The following XPO4 variants were observed in gnomAD, a reference collection of about 807,000 sequenced individuals.
XPO4 encodes exportin 4.
XPO4 carries 39 observed loss-of-function variants against 143.0 expected under a neutral mutation model. The observed-to-expected ratio is 0.27, with a 90% confidence interval of 0.21 to 0.36. XPO4 has a LOEUF of 0.36. Among genes scored for constraint, XPO4 ranks in the 10% least tolerant of loss-of-function variants. XPO4 has a pLI of 1.00. For synonymous variants in XPO4, 439 were observed against 474.0 expected, an observed-to-expected ratio of 0.93 and a Z score of 0.96; for missense variants, 907 against 1,348.0, an observed-to-expected ratio of 0.67 and a Z score of 5.12.
intron 1 of XPO4, among the ~76,000 whole-genome samples, chr13:20,882,109 C>CAAAAAAAAAAAAAAAAAAAAA (rs35404161): frequency 8.6e-5 from 8 of 93,340 alleles, no homozygotes; most frequent in African/African-American, 2.8e-4. Context: ...GACTCGGTCT[C>CAAAAAAAAAAAAAAAAAAAAA]AAAAAAAAAA....
chr13:20,782,857 G>A lies in XPO4; in HGVS notation c.*865C>T, dbSNP rs1256024027. 6.6e-5 allele frequency: 10 copies of A among 152,486 alleles called. No homozygotes were observed. Among genetic ancestry groups the A allele is most frequent in the Non-Finnish European group, 2.9e-5 (2 of 68,012 alleles). 9.4% of individuals were successfully genotyped at this position (152,486 alleles called of 1,614,324 possible). Reference sequence around the variant, plus strand: ...CAATGAAATGGCTACAGTTCCTAAGGTTATTTTTACGGAACAAAAATATAC... The same window carrying A: ...CAATGAAATGGCTACAGTTCCTAAGATTATTTTTACGGAACAAAAATATAC... On this transcript the variant is annotated 3_prime_UTR_variant, in exon 23 of 23. Transcript: ENST00000255305.
chr13:20,888,966 T>A (rs1042762932), intron 1 of XPO4, among the ~76,000 whole-genome samples: 8 of 151,844 alleles, frequency 5.3e-5, no homozygotes, highest in African/African-American at 1.7e-4. Flanking sequence ...CCATGCCCAG[T>A]TCCCAGTTAA....
At chr13:20,848,515 G>A in intron 4 of XPO4, 2 of 985,378 alleles carry the variant, frequency 2.0e-6, no homozygotes, top group Non-Finnish European at 2.4e-6. Context: ...AGAAGGTAAA[G>A]TAGCAGCTGT....
intron 1 of XPO4, among the ~76,000 whole-genome samples, chr13:20,896,904 T>C (rs2060575061): frequency 6.6e-6 from 1 of 152,216 alleles, no homozygotes; most frequent in South Asian, 2.1e-4. Flanking sequence ...TGCTGTTAAA[T>C]TTTAACAACT....
At chr13:20,846,553 G>A (rs968390152) in intron 4 of XPO4, among the ~76,000 whole-genome samples, 4 of 152,126 alleles carry the variant, frequency 2.6e-5, no homozygotes, top group South Asian at 2.1e-4. Flanking sequence ...ATTCTTAATC[G>A]ATGAGAATTT....
At chr13:20,788,947 G>A (rs1313999459) in intron 19 of XPO4, among the ~76,000 whole-genome samples, 2 of 152,166 alleles carry the variant, frequency 1.3e-5, no homozygotes, top group Non-Finnish European at 2.9e-5. Context: ...AAATAACTTA[G>A]GAGTAAAACC....
At chr13:20,792,859 C>T (rs1308075925) in intron 18 of XPO4, among the ~76,000 whole-genome samples, 3 of 151,914 alleles carry the variant, frequency 2.0e-5, no homozygotes, top group African/African-American at 4.8e-5. Context: ...AATCTCAGCT[C>T]ACTGCAACCT....
chr13:20,878,111 C>T (rs78555938), intron 1 of XPO4, among the ~76,000 whole-genome samples: 3,167 of 152,184 alleles, frequency 0.021, 89 homozygotes, highest in Middle Eastern at 0.075. Context: ...TTGGGAGAAT[C>T]ACTTGAAGCC....
chr13:20,791,748 A>G (rs1282701596), intron 18 of XPO4, among the ~76,000 whole-genome samples: 3 of 152,230 alleles, frequency 2.0e-5, no homozygotes, highest in Non-Finnish European at 4.4e-5. Flanking sequence ...GTCCAAAAGT[A>G]AGCATGATTT....
At chr13:20,898,223 G>A (rs956417917) in intron 1 of XPO4, among the ~76,000 whole-genome samples, 9 of 152,242 alleles carry the variant, frequency 5.9e-5, no homozygotes, top group Non-Finnish European at 7.4e-5. Context: ...CATGAATCTC[G>A]TTTATTAAAG....
intron 18 of XPO4, among the ~76,000 whole-genome samples, 166 bp downstream of exon 18, chr13:20,795,910 G>A (rs1182016874): frequency 6.6e-6 from 1 of 152,170 alleles, no homozygotes; most frequent in African/African-American, 2.4e-5. Context: ...GGAAAGGCAA[G>A]CAGGAGGGCC....
At chr13:20,878,583 C>A (rs2060377140) in intron 1 of XPO4, among the ~76,000 whole-genome samples, 1 of 152,006 alleles carries the variant, frequency 6.6e-6, no homozygotes, top group Non-Finnish European at 1.5e-5. Context: ...AAGACATGTA[C>A]AATACACCAT....
chr13:20,856,470 G>A (rs2060145223), intron 3 of XPO4: 6 of 520,348 alleles, frequency 1.2e-5, no homozygotes, highest in Non-Finnish European at 1.5e-5. Context: ...TTTTCTGAAA[G>A]ATAAGGATCA....
intron 7 of XPO4, among the ~76,000 whole-genome samples, chr13:20,822,965 T>C (rs2059739239): frequency 6.6e-6 from 1 of 152,224 alleles, no homozygotes; most frequent in Admixed American, 6.5e-5. Flanking sequence ...ATGAAACACC[T>C]GGTAGAGTGT....
chr13:20,897,696 C>T (rs2060582947), intron 1 of XPO4, among the ~76,000 whole-genome samples: 1 of 152,198 alleles, frequency 6.6e-6, no homozygotes, highest in Non-Finnish European at 1.5e-5. Context: ...AAACTAGCTA[C>T]ATGACAACAG....
intron 9 of XPO4, among the ~76,000 whole-genome samples, chr13:20,812,832 T>A (rs2059599967): frequency 6.6e-6 from 1 of 152,150 alleles, no homozygotes; most frequent in Non-Finnish European, 1.5e-5. Flanking sequence ...TCTGTAAACC[T>A]AAAATTATTC....
intron 18 of XPO4, among the ~76,000 whole-genome samples, chr13:20,795,832 A>G (rs2059350939): frequency 6.6e-6 from 1 of 152,210 alleles, no homozygotes; most frequent in South Asian, 2.1e-4. Context: ...GTGAGAGGTA[A>G]GAACAGTGCA....
chr13:20,865,663 C>G, intron 2 of XPO4: 2 of 894,588 alleles, frequency 2.2e-6, no homozygotes, highest in Non-Finnish European at 2.7e-6. Flanking sequence ...AGGAAAAGCA[C>G]TACATTCTGA....
At chr13:20,836,918 A>T (rs1197697436) in intron 6 of XPO4, among the ~76,000 whole-genome samples, 1 of 152,236 alleles carries the variant, frequency 6.6e-6, no homozygotes, top group African/African-American at 2.4e-5. Context: ...ATGTTATCAT[A>T]TAATTTGTGG....
Sources: allele counts gnomAD v4.1 joint callset (sites outside exome capture counted in the v4.1 genomes callset), GRCh38; gene constraint gnomAD v4.1.1; transcripts MANE v1.5; gene names NCBI Gene and HGNC (gene_info 2026-07-23, HGNC 2026-07-21).